Variants in MOAP1 observed in about 807,000 individuals in gnomAD.
The protein encoded by MOAP1 is modulator of apoptosis 1, also known as MAP1.
For missense variants in MOAP1, 385 were observed against 418.6 expected (o/e 0.92, Z 0.70); for synonymous variants, 150 against 161.0 (o/e 0.93, Z 0.52).
At position 93,183,662 on chromosome 14, in the gene MOAP1, G is replaced by A. The variant is rs375914261; in HGVS notation, c.581C>T (p.Ala194Val). 4 of 1,614,082 alleles carry A rather than the reference G, an allele frequency of 2.5e-6. No homozygotes were observed. The highest frequency in any genetic ancestry group is 3.4e-6 in the Non-Finnish European group (4 of 1,180,018). The stretch of plus-strand genomic sequence containing the variant: ...CTTCTCTACATCTGGCACCTGCCAC[G>A]CCTTTATCATCTGAGTAGTATGAAA... ...WMFHTTQMIK[A>V]WQVPDVEKRR... The change falls in exon 3 of 3, where the codon GCG becomes GTG. Residue 194 changes from alanine to valine, a missense_variant. Ala to Val is a moderately conservative substitution (Grantham distance 64, BLOSUM62 0). Transcript: ENST00000298894.
rs1893961288 is a variant in MOAP1, at chr14:93,183,104, G to T, written c.*83C>A. 1 of 1,496,094 alleles carries T rather than the reference G, an allele frequency of 6.7e-7. No homozygotes were observed. The highest frequency in any genetic ancestry group is 8.9e-7 in the Non-Finnish European group (1 of 1,123,982). The allele number at this position is 1,496,094 out of a possible 1,614,324, so 92.7% of individuals were successfully genotyped here. A position where few individuals can be genotyped will look rare whatever the true frequency, so the allele number is the denominator to read the frequency against. ...GAGTTACTTGGCAGCACAAGGTAGG[G>T]ATTGTATGTGTCACAAGAGTATATA... On this transcript the variant is annotated 3_prime_UTR_variant, in exon 3 of 3. Transcript: ENST00000298894.
Position 93,182,244 on chromosome 14 carries a change from A to G in MOAP1, c.*943T>C, listed in dbSNP as rs1233751061. ...TTTAGAAGTTCACACCTATAATTTT[A>G]TAACAATCGTGAAAATGTTACTCAG... On this transcript the variant is annotated 3_prime_UTR_variant, in exon 3 of 3. Transcript: ENST00000298894. 6.6e-6 allele frequency: 1 copy of G among 152,646 alleles called. No homozygotes were observed. The highest frequency in any genetic ancestry group is 1.5e-5 in the Non-Finnish European group (1 of 68,038). 9.5% of individuals were successfully genotyped at this position (152,646 alleles called of 1,614,324 possible).
chr14:93,182,919 G>C lies in MOAP1; in HGVS notation c.*268C>G. The C allele has an allele frequency of 2.3e-6, 1 of 441,180 alleles. No homozygotes were observed. Among genetic ancestry groups the C allele is most frequent in the South Asian group, 4.4e-5 (1 of 22,906 alleles). 27.3% of individuals were successfully genotyped at this position (441,180 alleles called of 1,614,324 possible). A position where few individuals can be genotyped will look rare whatever the true frequency, so the allele number is the denominator to read the frequency against. Reference sequence around the variant, plus strand: ...CACTCCAGCCTGGGTGACAGAGCGAGACTCTGTCTCAACAACAACAACAAA... The same window carrying C: ...CACTCCAGCCTGGGTGACAGAGCGACACTCTGTCTCAACAACAACAACAAA... On this transcript the variant is annotated 3_prime_UTR_variant, in exon 3 of 3. Transcript: ENST00000298894.
chr14:93,183,423 G>T lies in MOAP1; in HGVS notation c.820C>A (p.Pro274Thr), dbSNP rs748653467. Residue 274 changes from proline (P) to threonine (T), a missense_variant, in exon 3 of 3, where the codon CCT becomes ACT. By Grantham distance (38) the Pro-to-Thr change is conservative (BLOSUM62 -1). Coordinates refer to ENST00000298894, the MANE Select transcript of MOAP1 (RefSeq NM_022151.5). ...CTCTGTACCAGCTTCTGTAACAAAG[G>T]CTCCAGCCTTAGTACATAAGCCGAC... Reference protein sequence around the residue: ...KLSAYVLRLEPLLQKLVQRGA... With the variant: ...KLSAYVLRLETLLQKLVQRGA... 3 of 1,614,108 alleles carry T rather than the reference G, an allele frequency of 1.9e-6. No homozygotes were observed. The Admixed American group carries it at 5.0e-5, about 27-fold the overall frequency.
At position 93,183,485 on chromosome 14, in the gene MOAP1, T is replaced by C. The variant is rs1893971412; in HGVS notation, c.758A>G (p.Lys253Arg). The change falls in exon 3 of 3, where the codon AAA becomes AGA. Residue 253 changes from lysine (K) to arginine (R), a missense_variant. Coordinates refer to ENST00000298894, the MANE Select transcript of MOAP1 (RefSeq NM_022151.5). ...ATCCTTCTGGTAAGTGGTTAGATAT[T>C]TGACCTGCAACTCCCTAGGATTATC... The part of the protein sequence containing the change: ...VTDNPRELQV[K>R]YLTTYQKDEE... 3 of 1,614,222 alleles carry C rather than the reference T, an allele frequency of 1.9e-6. No homozygotes were observed. The highest frequency in any genetic ancestry group is 2.2e-5 in the East Asian group (1 of 44,890).
rs1893969944 is a variant in MOAP1 at position 93,183,415 on chromosome 14, T to C, written c.828A>G (p.Leu276=). 1 of 1,614,062 alleles carries C rather than the reference T, an allele frequency of 6.2e-7. No homozygotes were observed. Among genetic ancestry groups the C allele is most frequent in the East Asian group, 2.2e-5 (1 of 44,900 alleles). The part of the protein sequence containing the change: ...SAYVLRLEPL[L]QKLVQRGAIE... ...TTGCTCCTCTCTGTACCAGCTTCTG[T>C]AACAAAGGCTCCAGCCTTAGTACAT... Residue 276 remains leucine, a synonymous_variant, in exon 3 of 3, where the codon TTA becomes TTG. Coordinates refer to ENST00000298894, the MANE Select transcript of MOAP1 (RefSeq NM_022151.5).
Position 93,183,211 on chromosome 14 carries a change from T to G in MOAP1, c.1032A>C (p.Ala344=), listed in dbSNP as rs1301049533. The G allele has an allele frequency of 6.2e-7, 1 of 1,607,834 alleles. No individual in the cohort carries two copies. Among genetic ancestry groups the G allele is most frequent in the African/African-American group, 1.3e-5 (1 of 74,586 alleles). The part of the protein sequence containing the change: ...AAEEEEALLQ[A]ILEGNFT ...CTCAGGTGAAATTACCTTCCAATAT[T>G]GCCTGGAGAAGGGCCTCCTCCTCCT... Residue 344 remains alanine, a synonymous_variant, in exon 3 of 3, where the codon GCA becomes GCC. Coordinates refer to ENST00000298894, the MANE Select transcript of MOAP1 (RefSeq NM_022151.5).
At position 93,183,875 on chromosome 14, in the gene MOAP1, G is replaced by C. The variant is rs1350499874; in HGVS notation, c.368C>G (p.Ala123Gly). The C allele has an allele frequency of 1.2e-6, 2 of 1,613,992 alleles. No individual in the cohort carries two copies. The highest frequency in any genetic ancestry group is 8.5e-7 in the Non-Finnish European group (1 of 1,180,024). The change falls in exon 3 of 3, where the codon GCT becomes GGT. Residue 123 changes from alanine to glycine, a missense_variant. Coordinates refer to ENST00000298894, the MANE Select transcript of MOAP1 (RefSeq NM_022151.5). The part of the protein sequence containing the change: ...EGMTVGELSR[A>G]LGHENGSLDP... ...TAAGGAGCCATTTTCATGTCCAAGA[G>C]CTCTGCTCAACTCACCCACTGTCAT...
chr14:93,184,248 C>A lies in MOAP1; in HGVS notation c.-6G>T. On this transcript the variant is annotated 5_prime_UTR_variant, in exon 3 of 3. Transcript: ENST00000298894. This position sits in a 1 kb window ranked among gnomAD's most constrained non-coding sequence, Gnocchi z 4.2. ...TCTAAAAGCCTCAAAGTCATGGTGCCCGAAATAATAGACTTAAGTTCTAAA... is the reference window on the plus strand; with the variant it reads ...TCTAAAAGCCTCAAAGTCATGGTGCACGAAATAATAGACTTAAGTTCTAAA... 6.4e-7 allele frequency: 1 copy of A among 1,564,006 alleles called. No homozygotes were observed. The highest frequency in any genetic ancestry group is 1.2e-5 in the South Asian group (1 of 82,950).
At position 93,183,600 on chromosome 14, in the gene MOAP1, G is replaced by T. The variant is rs1332865556; in HGVS notation, c.643C>A (p.Leu215Ile). ...RLLESLRGPA[L>I]DVIRVLKINN... is the part of the protein sequence containing the mutation. Reference sequence around the variant, plus strand: ...ATCTTGAGGACACGAATAACATCAAGTGCTGGGCCTCGAAGGCTCTCTAGC... The same window carrying T: ...ATCTTGAGGACACGAATAACATCAATTGCTGGGCCTCGAAGGCTCTCTAGC... The change falls in exon 3 of 3, where the codon CTT becomes ATT. Residue 215 changes from leucine to isoleucine, a missense_variant. By Grantham distance (5) the Leu-to-Ile change is conservative. Transcript: ENST00000298894. 6.2e-7 allele frequency: 1 copy of T among 1,614,178 alleles called. No homozygotes were observed. Among genetic ancestry groups the T allele is most frequent in the Middle Eastern group, 1.6e-4 (1 of 6,062 alleles).
In MOAP1 at chr14:93,184,568, G is replaced by C. The variant is rs1201955306; in HGVS notation, c.-130C>G. Reference sequence around the variant, plus strand: ...GCCCGCTTCCACTCACCGTGATCTAGTGCTCGTGCCCGCGTCCGTGCGCCG... The same window carrying C: ...GCCCGCTTCCACTCACCGTGATCTACTGCTCGTGCCCGCGTCCGTGCGCCG... On this transcript the variant is annotated 5_prime_UTR_variant, in exon 2 of 3. Transcript: ENST00000298894. The surrounding 1 kb of genome is among the most constrained non-coding windows in gnomAD (Gnocchi z 4.2). 1 of 152,482 alleles carries C rather than the reference G, an allele frequency of 6.6e-6. No individual in the cohort carries two copies. The highest frequency in any genetic ancestry group is 1.5e-5 in the Non-Finnish European group (1 of 68,244). 9.4% of individuals were successfully genotyped at this position (152,482 alleles called of 1,614,324 possible). A position where few individuals can be genotyped will look rare whatever the true frequency, so the allele number is the denominator to read the frequency against.
In MOAP1 at chr14:93,184,276, T is replaced by C. The variant is rs746315350; in HGVS notation, c.-34A>G. On this transcript the variant is annotated 5_prime_UTR_variant, in exon 3 of 3. Coordinates refer to ENST00000298894, the MANE Select transcript of MOAP1 (RefSeq NM_022151.5). The surrounding 1 kb of genome is among the most constrained non-coding windows in gnomAD (Gnocchi z 4.2). ...AAATAATAGACTTAAGTTCTAAATA[T>C]GCCAGACCACAGGCGACCACCGAAA... is the stretch of plus-strand genomic sequence containing the variant. 2.3e-5 allele frequency: 34 copies of C among 1,456,810 alleles called. No individual in the cohort carries two copies. The highest frequency in any genetic ancestry group is 2.9e-5 in the Non-Finnish European group (32 of 1,105,664). 90.2% of individuals were successfully genotyped at this position (1,456,810 alleles called of 1,614,324 possible). A position where few individuals can be genotyped will look rare whatever the true frequency, so the allele number is the denominator to read the frequency against.
Position 93,183,958 on chromosome 14 carries a change from G to T in MOAP1, c.285C>A (p.Pro95=). The change falls in exon 3 of 3, where the codon CCC becomes CCA. Residue 95 remains proline, a synonymous_variant. Coordinates refer to ENST00000298894, the MANE Select transcript of MOAP1 (RefSeq NM_022151.5). ...KGGIWRVIFK[P]PDPDNTFLSR... ...TTAAAAATGTATTATCTGGGTCAGG[G>T]GGCTTAAAGATCACTCTCCAGATAC... is the stretch of plus-strand genomic sequence containing the variant. The T allele has an allele frequency of 6.2e-7, 1 of 1,614,094 alleles. No homozygotes were observed. The highest frequency in any genetic ancestry group is 8.5e-7 in the Non-Finnish European group (1 of 1,180,020).
chr14:93,184,856 C>A lies in MOAP1; in HGVS notation c.-322G>T, dbSNP rs1159527191. ...CGCGCCGCCGGAGCTCCGGCTCCAG[C>A]CCGGATTCCACCTGTTTTGGTCTCG... On this transcript the variant is annotated 5_prime_UTR_variant, in exon 1 of 3. Coordinates refer to ENST00000298894, the MANE Select transcript of MOAP1 (RefSeq NM_022151.5). The surrounding 1 kb of genome is among the most constrained non-coding windows in gnomAD (Gnocchi z 4.2). 1 of 152,492 alleles carries A rather than the reference C, an allele frequency of 6.6e-6. No homozygotes were observed. Among genetic ancestry groups the A allele is most frequent in the African/African-American group, 2.4e-5 (1 of 41,444 alleles). The allele number at this position is 152,492 out of a possible 1,614,324, so 9.4% of individuals were successfully genotyped here.
In MOAP1 at chr14:93,183,814, G is replaced by T. The variant is rs779166997; in HGVS notation, c.429C>A (p.Ala143=). Residue 143 remains alanine, a synonymous_variant, in exon 3 of 3, where the codon GCC becomes GCA. Coordinates refer to ENST00000298894, the MANE Select transcript of MOAP1 (RefSeq NM_022151.5). ...PEQGMIPEMW[A]PMLAQALEAL... ...CCTCTAATGCCTGTGCCAACATAGG[G>T]GCCCACATTTCCGGGATCATGCCCT... 1 of 1,613,990 alleles carries T rather than the reference G, an allele frequency of 6.2e-7. No homozygotes were observed. The highest frequency in any genetic ancestry group is 8.5e-7 in the Non-Finnish European group (1 of 1,179,992).
Position 93,183,446 on chromosome 14 carries a change from G to C in MOAP1, c.797C>G (p.Ser266Trp). Reference sequence around the variant, plus strand: ...AGGCTCCAGCCTTAGTACATAAGCCGACAACTTTTCCTCATCCTTCTGGTA... The same window carrying C: ...AGGCTCCAGCCTTAGTACATAAGCCCACAACTTTTCCTCATCCTTCTGGTA... The part of the protein sequence containing the change: ...TTYQKDEEKL[S>W]AYVLRLEPLL... The change falls in exon 3 of 3, where the codon TCG (serine) becomes TGG (tryptophan). Residue 266 changes from serine to tryptophan, a missense_variant. Transcript: ENST00000298894. 6.2e-7 allele frequency: 1 copy of C among 1,614,180 alleles called. No individual in the cohort carries two copies. The highest frequency in any genetic ancestry group is 8.5e-7 in the Non-Finnish European group (1 of 1,180,048).
chr14:93,183,025 CT>C lies in MOAP1; in HGVS notation c.*161del, dbSNP rs1193009840. On this transcript the variant is annotated 3_prime_UTR_variant, in exon 3 of 3. Coordinates refer to ENST00000298894, the MANE Select transcript of MOAP1 (RefSeq NM_022151.5). ...CCTAGTCAATTACACCTTTAGGAGA[CT>C]TTAAATAGGCACAGAAACGACAAAG... The C allele has an allele frequency of 1.0e-6, 1 of 992,942 alleles. No individual in the cohort carries two copies. Among genetic ancestry groups the C allele is most frequent in the South Asian group, 1.9e-5 (1 of 51,902 alleles). 61.5% of individuals were successfully genotyped at this position (992,942 alleles called of 1,614,324 possible).
rs1447512742 is a variant in MOAP1, at chr14:93,182,722, G to C, written c.*465C>G. 2.5e-5 allele frequency: 4 copies of C among 157,920 alleles called. No homozygotes were observed. The highest frequency in any genetic ancestry group is 4.2e-5 in the Non-Finnish European group (3 of 71,472). The allele number at this position is 157,920 out of a possible 1,614,324, so 9.8% of individuals were successfully genotyped here. A position where few individuals can be genotyped will look rare whatever the true frequency, so the allele number is the denominator to read the frequency against. On this transcript the variant is annotated 3_prime_UTR_variant, in exon 3 of 3. Transcript: ENST00000298894. ...AAGCAGGTGGATCACTTGAGGTCAGGAGTTCGAAACTAGCCTGGCCAACAT... is the reference window on the plus strand; with the variant it reads ...AAGCAGGTGGATCACTTGAGGTCAGCAGTTCGAAACTAGCCTGGCCAACAT...
Position 93,184,156 on chromosome 14 carries a change from G to C in MOAP1, c.87C>G (p.Ser29Arg). 1 of 1,614,112 alleles carries C rather than the reference G, an allele frequency of 6.2e-7. No individual in the cohort carries two copies. Among genetic ancestry groups the C allele is most frequent in the Non-Finnish European group, 8.5e-7 (1 of 1,180,004 alleles). Reference sequence around the variant, plus strand: ...CCTCCTCGATTTCTGCCACACTGCAGCTCTGGGAGATGCCGGCAATCAATA... The same window carrying C: ...CCTCCTCGATTTCTGCCACACTGCACCTCTGGGAGATGCCGGCAATCAATA... ...KALLIAGISQSCSVAEIEEAL... is the reference protein window; with the variant it reads ...KALLIAGISQRCSVAEIEEAL... Residue 29 changes from serine to arginine, a missense_variant, in exon 3 of 3, where the codon AGC becomes AGG. By Grantham distance (110) the Ser-to-Arg change is moderately radical. Transcript: ENST00000298894. This position sits in a 1 kb window ranked among gnomAD's most constrained non-coding sequence, Gnocchi z 4.2.
Sources: allele counts gnomAD v4.1 joint callset, GRCh38; gene constraint gnomAD v4.1.1; non-coding constraint Gnocchi (gnomAD v3.1); transcripts MANE v1.5; gene names NCBI Gene and HGNC (gene_info 2026-07-23, HGNC 2026-07-21).